Variants in CPED1 observed in about 807,000 individuals in gnomAD.
The protein encoded by CPED1 is cadherin like and PC-esterase domain containing 1, also known as cadherin-like and PC-esterase domain-containing protein 1.
Under a neutral mutation model 128.2 loss-of-function variants are expected in CPED1, and 114 were observed. The observed-to-expected ratio is 0.89, with a 90% CI of 0.76 to 1.04. The LOEUF is 1.04. CPED1 is among the 50% of genes least tolerant of loss of function. The pLI is 0.00. For missense variants in CPED1, 1,211 were observed against 1,207.1 expected, an observed-to-expected ratio of 1.00 and a Z score of -0.05; for synonymous variants, 462 against 426.7, an observed-to-expected ratio of 1.08 and a Z score of -1.02.
chr7:121,163,918 CA>C (rs1257440511), intron 16 of CPED1, among the ~76,000 whole-genome samples: 2 of 151,690 alleles, frequency 1.3e-5, no homozygotes, highest in Non-Finnish European at 3.0e-5. Context: ...CACTTGGTGG[CA>C]ATATTAAAGA....
chr7:121,115,191 A>T (rs1381022832), intron 7 of CPED1, among the ~76,000 whole-genome samples: 1 of 152,236 alleles, frequency 6.6e-6, no homozygotes, highest in Non-Finnish European at 1.5e-5. Context: ...GATTTGGGCT[A>T]TCTAGCATTA....
intron 3 of CPED1, among the ~76,000 whole-genome samples, chr7:121,024,006 A>C (rs1792505748): frequency 6.6e-6 from 1 of 152,122 alleles, no homozygotes; most frequent in South Asian, 2.1e-4. Flanking sequence ...TAGTTAATCA[A>C]ACTGGGGGGA....
intron 4 of CPED1, among the ~76,000 whole-genome samples, chr7:121,060,145 C>T (rs1328987398): frequency 6.6e-6 from 1 of 152,214 alleles, no homozygotes; most frequent in Non-Finnish European, 1.5e-5. Flanking sequence ...GCTGGGTCCC[C>T]CAGCAGTGCC....
chr7:121,199,461 C>T lies in CPED1; in HGVS notation c.2056-37253C>T, dbSNP rs1463334502. ...TTGGGAGGCAGAGGTGGGCAGATCA[C>T]GAGGTCAAGAGATCTAGACCATCCT... On this transcript the variant is annotated intron_variant, in intron 16 of 22. Coordinates refer to ENST00000310396, the MANE Select transcript of CPED1 (RefSeq NM_024913.5). Among the ~76,000 whole-genome samples the T allele has an allele frequency of 4.0e-5, 6 of 151,790 alleles. No individual in the cohort carries two copies. In the East Asian group the frequency reaches 5.8e-4, roughly 15 times the overall value.
intron 5 of CPED1, among the ~76,000 whole-genome samples, chr7:121,089,415 A>C: frequency 6.6e-6 from 1 of 152,342 alleles, no homozygotes; most frequent in Non-Finnish European, 1.5e-5. Flanking sequence ...TATACCAAAA[A>C]TACCAGGTAA....
At chr7:121,159,799 G>A (rs961159989) in intron 16 of CPED1, among the ~76,000 whole-genome samples, 1 of 152,054 alleles carries the variant, frequency 6.6e-6, no homozygotes, top group Non-Finnish European at 1.5e-5. Context: ...CCAGGCCAAA[G>A]CTTAGGTCTT....
chr7:121,020,638 TATA>T lies in CPED1; in HGVS notation c.433+4795_433+4797del, dbSNP rs1397939144. On this transcript the variant is annotated intron_variant, in intron 3 of 22. Coordinates refer to ENST00000310396, the MANE Select transcript of CPED1 (RefSeq NM_024913.5). The stretch of plus-strand genomic sequence containing the variant: ...GGATTTGAAGGTTTACAATAAAATA[TATA>T]ATAACAAAATTAATAAAATGTACAT... 7.2e-5 allele frequency among the ~76,000 whole-genome samples: 11 copies of T among 151,912 alleles called. No homozygotes were observed. The East Asian group carries it at 1.9e-3, about 27-fold the overall frequency.
chr7:121,154,823 C>A (rs1393737148), intron 16 of CPED1, among the ~76,000 whole-genome samples: 2 of 152,174 alleles, frequency 1.3e-5, no homozygotes, highest in Non-Finnish European at 2.9e-5. Context: ...GGATTACAGG[C>A]GTGAGCCACC....
intron 7 of CPED1, among the ~76,000 whole-genome samples, chr7:121,105,404 T>A (rs1026647605): frequency 6.6e-6 from 1 of 152,112 alleles, no homozygotes; most frequent in Non-Finnish European, 1.5e-5. Context: ...GTTCTTCCCC[T>A]GATCTTCATT....
chr7:121,214,882 G>A (rs533645108), intron 16 of CPED1, among the ~76,000 whole-genome samples: 1 of 152,108 alleles, frequency 6.6e-6, no homozygotes, highest in East Asian at 1.9e-4. Context: ...AGTAATCTTT[G>A]AAAAATTATT....
At chr7:121,275,827 A>G (rs1792319477) in intron 22 of CPED1, among the ~76,000 whole-genome samples, 1 of 151,860 alleles carries the variant, frequency 6.6e-6, no homozygotes, top group South Asian at 2.1e-4. Context: ...TAAATAAAAG[A>G]TTATTTGGCC....
intron 16 of CPED1, among the ~76,000 whole-genome samples, chr7:121,221,720 A>G (rs1797884041): frequency 6.6e-6 from 1 of 152,156 alleles, no homozygotes; most frequent in Admixed American, 6.5e-5. Flanking sequence ...ACCAGTGATG[A>G]TGAGCATTTT....
Position 121,065,810 on chromosome 7 carries a change from T to C in CPED1, c.616+1497T>C, listed in dbSNP as rs970112851. 2.1e-4 allele frequency among the ~76,000 whole-genome samples: 32 copies of C among 152,260 alleles called. 1 individual carries two copies. The highest frequency in any genetic ancestry group is 7.7e-4 in the African/African-American group (32 of 41,580). On this transcript the variant is annotated intron_variant, in intron 5 of 22. Coordinates refer to ENST00000310396, the MANE Select transcript of CPED1 (RefSeq NM_024913.5). ...GGCATTTGTAGTTCTTTCTACATTC[T>C]GTTTAGTGCATTAATTTTGTATTTA...
chr7:121,258,972 A>C (rs185507712), intron 18 of CPED1, among the ~76,000 whole-genome samples: 2 of 152,244 alleles, frequency 1.3e-5, no homozygotes, highest in Non-Finnish European at 1.5e-5. Context: ...TTGAATTAAA[A>C]GGCAATGGAA....
chr7:121,222,499 T>TA (rs1797905535), intron 16 of CPED1, among the ~76,000 whole-genome samples: 1 of 152,194 alleles, frequency 6.6e-6, no homozygotes, highest in South Asian at 2.1e-4. Context: ...AAGAAAGTCA[T>TA]TGGTAGCCTG....
rs181626857 is a variant in CPED1 at position 121,172,651 on chromosome 7, T to C, written c.2055+30510T>C. ...ATGGTTGGGTGGGTGGGTGGTTGGA[T>C]GGATGGATACATAGATAGATAGATA... On this transcript the variant is annotated intron_variant, in intron 16 of 22. Transcript: ENST00000310396. 6.7e-3 allele frequency among the ~76,000 whole-genome samples: 1,001 copies of C among 149,110 alleles called. 10 individuals carry two copies. The highest frequency in any genetic ancestry group is 0.023 in the African/African-American group (928 of 40,090).
At chr7:121,124,837 C>T (rs1795466987) in intron 8 of CPED1, among the ~76,000 whole-genome samples, 1 of 152,160 alleles carries the variant, frequency 6.6e-6, no homozygotes, top group Non-Finnish European at 1.5e-5. Context: ...AAATATCCCA[C>T]TGATTTCATA....
intron 14 of CPED1, among the ~76,000 whole-genome samples, chr7:121,139,058 C>A (rs937004252): frequency 6.6e-6 from 1 of 151,994 alleles, no homozygotes; most frequent in East Asian, 1.9e-4. Context: ...AAAACAATTT[C>A]TGCCTTCATT....
chr7:121,052,252 A>G (rs1793372043), intron 4 of CPED1, among the ~76,000 whole-genome samples: 1 of 152,172 alleles, frequency 6.6e-6, no homozygotes, highest in Admixed American at 6.5e-5. Flanking sequence ...CTGAATTGAA[A>G]CTAGACTTCA....
Sources: allele counts gnomAD v4.1 joint callset (sites outside exome capture counted in the v4.1 genomes callset), GRCh38; gene constraint gnomAD v4.1.1; transcripts MANE v1.5; gene names NCBI Gene and HGNC (gene_info 2026-07-23, HGNC 2026-07-21).